Variants in RBFOX1 observed in about 807,000 individuals in gnomAD.
RBFOX1 encodes the protein RNA binding fox-1 homolog 1, also known as RNA binding protein fox-1 homolog 1.
Under a neutral mutation model 57.7 loss-of-function variants are expected in RBFOX1, and 8 were observed. The ratio of observed to expected loss-of-function variants is 0.14; its 90% CI spans 0.08 to 0.25. The LOEUF is 0.25. RBFOX1 is among the 10% of genes least tolerant of loss of function. RBFOX1 has a pLI of 1.00. For missense variants in RBFOX1, 611 were observed against 548.5 expected, an observed-to-expected ratio of 1.11 and a Z score of -1.14; for synonymous variants, 326 against 222.4, an observed-to-expected ratio of 1.47 and a Z score of -4.15.
chr16:6,699,277 C>T (rs1056946282), intron 3 of RBFOX1, among the ~76,000 whole-genome samples: 12 of 151,122 alleles, frequency 7.9e-5, no homozygotes, highest in African/African-American at 2.4e-4. Flanking sequence ...GCTTTGCCTT[C>T]ATAGTTATCC....
At chr16:5,503,512 C>T (rs928587399) in intron 2 of RBFOX1, among the ~76,000 whole-genome samples, 4 of 152,330 alleles carry the variant, frequency 2.6e-5, no homozygotes, top group South Asian at 2.1e-4. Flanking sequence ...GGCGCAATCA[C>T]GGCTCACTGT....
chr16:6,671,130 TTTC>T (rs1335467985), intron 3 of RBFOX1, among the ~76,000 whole-genome samples: 1 of 152,240 alleles, frequency 6.6e-6, no homozygotes, highest in African/African-American at 2.4e-5. Context: ...TTACTCATTA[TTTC>T]TTATTATTCC....
rs116771869 is a variant in RBFOX1 at position 6,352,931 on chromosome 16, C to T, written c.-64+35874C>T. Among the ~76,000 whole-genome samples the T allele has an allele frequency of 9.4e-3, 1,423 of 152,118 alleles. 24 individuals carry two copies. Among genetic ancestry groups the T allele is most frequent in the African/African-American group, 0.033 (1,352 of 41,502 alleles). ...AAAGAGAAAAAGGGATGATTTAAAG[C>T]GGGAGAGTGGTTCATTTGCTTTGGG... On this transcript the variant is annotated intron_variant, in intron 2 of 15. Coordinates refer to ENST00000550418, the MANE Select transcript of RBFOX1 (RefSeq NM_018723.4).
chr16:7,023,651 A>G (rs1251838304), intron 3 of RBFOX1, among the ~76,000 whole-genome samples: 1 of 149,826 alleles, frequency 6.7e-6, no homozygotes, highest in Non-Finnish European at 1.5e-5. Context: ...GCCCCAGTAT[A>G]CCTTGGAACT....
At chr16:6,883,977 G>A (rs2063458936) in intron 3 of RBFOX1, among the ~76,000 whole-genome samples, 2 of 152,134 alleles carry the variant, frequency 1.3e-5, no homozygotes, top group Non-Finnish European at 2.9e-5. Context: ...AGGAGATGGG[G>A]AGATTGTGAA....
chr16:6,680,160 G>A (rs1460680850), intron 3 of RBFOX1, among the ~76,000 whole-genome samples: 1 of 151,980 alleles, frequency 6.6e-6, no homozygotes, highest in Non-Finnish European at 1.5e-5. Flanking sequence ...GTTTGGGAAT[G>A]AGAAGAGATA....
intron 3 of RBFOX1, among the ~76,000 whole-genome samples, chr16:6,961,172 A>T (rs2082928200): frequency 2.3e-5 from 1 of 44,118 alleles, no homozygotes; most frequent in African/African-American, 7.6e-5. Flanking sequence ...CGCAAAAGAA[A>T]GAAAGAAAAA....
At chr16:7,474,810 C>T (rs188338252) in intron 4 of RBFOX1, among the ~76,000 whole-genome samples, 49 of 152,310 alleles carry the variant, frequency 3.2e-4, no homozygotes, top group African/African-American at 1.2e-3. Context: ...CATGAGGGTT[C>T]TAATCATTTA....
intron 3 of RBFOX1, among the ~76,000 whole-genome samples, chr16:5,865,360 G>C (rs550071985): frequency 1.2e-4 from 18 of 152,266 alleles, no homozygotes; most frequent in African/African-American, 4.3e-4. Flanking sequence ...AATGAGGGAG[G>C]GGAGGGAAGG....
intron 1 of RBFOX1, among the ~76,000 whole-genome samples, chr16:5,432,388 G>T (rs777590564): frequency 1.8e-4 from 28 of 152,116 alleles, no homozygotes; most frequent in Non-Finnish European, 3.7e-4. Flanking sequence ...CCGTGCCTCC[G>T]CCGGCCCCTG....
chr16:6,036,379 C>T (rs769379725), intron 1 of RBFOX1, among the ~76,000 whole-genome samples: 1 of 151,524 alleles, frequency 6.6e-6, no homozygotes, highest in African/African-American at 2.4e-5. Flanking sequence ...ACCATCCATT[C>T]TAGCATAATG....
chr16:7,679,612 T>G (rs1225588113), intron 14 of RBFOX1, among the ~76,000 whole-genome samples: 1 of 152,158 alleles, frequency 6.6e-6, no homozygotes, highest in Non-Finnish European at 1.5e-5. Context: ...TTTACCTTTT[T>G]TCAGCACAAA....
chr16:7,302,613 C>G (rs1440275768), intron 4 of RBFOX1, among the ~76,000 whole-genome samples: 1 of 149,838 alleles, frequency 6.7e-6, no homozygotes, highest in Admixed American at 6.7e-5. Context: ...GTTTAGACAG[C>G]TGATCTCTTG....
At chr16:6,088,871 C>T (rs954777574) in intron 1 of RBFOX1, among the ~76,000 whole-genome samples, 2 of 151,910 alleles carry the variant, frequency 1.3e-5, no homozygotes, top group South Asian at 2.1e-4. Context: ...CCAAGGCGGG[C>T]ATATCAGGAG....
chr16:7,171,191 C>T (rs1013987023), intron 4 of RBFOX1, among the ~76,000 whole-genome samples: 14 of 152,226 alleles, frequency 9.2e-5, no homozygotes, highest in East Asian at 1.9e-4. Context: ...GCACAAATCA[C>T]AGGCACCCAG....
chr16:5,426,388 G>C (rs1051512402), intron 1 of RBFOX1, among the ~76,000 whole-genome samples: 6 of 152,132 alleles, frequency 3.9e-5, no homozygotes, highest in Non-Finnish European at 8.8e-5. Context: ...AAAAGCATTA[G>C]ATAAAAGCAC....
chr16:7,199,047 A>G (rs2087564831), intron 4 of RBFOX1, among the ~76,000 whole-genome samples: 2 of 152,174 alleles, frequency 1.3e-5, no homozygotes, highest in Admixed American at 1.3e-4. Context: ...TCCAAGGGAC[A>G]AGGGAAGTAA....
chr16:5,962,974 A>C (rs2059779037), intron 4 of RBFOX1, among the ~76,000 whole-genome samples: 1 of 151,902 alleles, frequency 6.6e-6, no homozygotes, highest in Non-Finnish European at 1.5e-5. Flanking sequence ...AATTGCCTCC[A>C]CTCTGGTCTT....
chr16:6,722,098 C>T (rs1037185587), intron 3 of RBFOX1: 1 of 152,160 alleles, frequency 6.6e-6, no homozygotes, highest in African/African-American at 2.4e-5. Context: ...ATGAATAATA[C>T]TGGTATAAGC....
Sources: allele counts gnomAD v4.1 joint callset (sites outside exome capture counted in the v4.1 genomes callset), GRCh38; gene constraint gnomAD v4.1.1; transcripts MANE v1.5; gene names NCBI Gene and HGNC (gene_info 2026-07-23, HGNC 2026-07-21).